EYS: variants seen among roughly 807,000 people sequenced by gnomAD.
The protein encoded by EYS is EGF-like photoreceptor maintenance factor, also known as protein eyes shut homolog.
Under a neutral mutation model 282.1 loss-of-function variants are expected in EYS, and 250 were observed. The ratio of observed to expected loss-of-function variants is 0.89; its 90% CI spans 0.80 to 0.98. EYS has a LOEUF of 0.98. Ranked by LOEUF, EYS falls within the 50% of genes least tolerant of loss-of-function variation. The probability of loss-of-function intolerance (pLI) is 0.00; values close to 1 mark genes in which losing one functional copy is unlikely to be tolerated. For synonymous variants in EYS, 1,355 were observed against 1,282.9 expected (o/e 1.06, Z -1.20); for missense variants, 4,016 against 3,709.0 (o/e 1.08, Z -2.15).
intron 12 of EYS, among the ~76,000 whole-genome samples, chr6:65,279,539 G>T (rs1186634145): frequency 2.6e-5 from 4 of 152,024 alleles, no homozygotes; most frequent in African/African-American, 9.6e-5. Context: ...CTTTTTCTTT[G>T]TTCATCTGTG....
At chr6:65,378,699 C>A (rs1257761192) in intron 8 of EYS, among the ~76,000 whole-genome samples, 2 of 152,096 alleles carry the variant, frequency 1.3e-5, no homozygotes, top group African/African-American at 4.8e-5. Context: ...GAATACTATG[C>A]ATTCATAAAA....
At chr6:64,476,080 T>G (rs1334905363) in intron 26 of EYS, among the ~76,000 whole-genome samples, 1 of 152,188 alleles carries the variant, frequency 6.6e-6, no homozygotes, top group African/African-American at 2.4e-5. Context: ...TGTAAGCCAC[T>G]GTTCCCAGGT....
chr6:64,910,168 A>G (rs1470465984), intron 16 of EYS, among the ~76,000 whole-genome samples: 1 of 152,174 alleles, frequency 6.6e-6, no homozygotes, highest in African/African-American at 2.4e-5. Context: ...GTAGATGTTA[A>G]GTCTTGGAAT....
chr6:65,024,757 C>G (rs1772351130), intron 13 of EYS, among the ~76,000 whole-genome samples: 1 of 152,046 alleles, frequency 6.6e-6, no homozygotes, highest in Non-Finnish European at 1.5e-5. Flanking sequence ...AAAAAAATCC[C>G]AAATATTATG....
chr6:64,771,092 TC>T (rs932619378), intron 22 of EYS, among the ~76,000 whole-genome samples: 2 of 151,708 alleles, frequency 1.3e-5, no homozygotes, highest in African/African-American at 4.8e-5. Flanking sequence ...TATCTCTCAT[TC>T]CATAATCTCA....
rs1013443458 is a variant in EYS, at chr6:63,789,174, C to T, written c.7462G>A (p.Val2488Ile). ...LAVGLLNGSV[V>I]YSYNLGSGIA... ...CCAGACCCCAGGTTATAACTATAAA[C>T]CACACTGCCATTGAGCAGGCCCACA... is the stretch of plus-strand genomic sequence containing the variant. The change falls in exon 38 of 43, where the codon GTT (valine) becomes ATT (isoleucine). Residue 2488 changes from valine (V) to isoleucine (I), a missense_variant. By Grantham distance (29) the Val-to-Ile change is conservative. Transcript: ENST00000503581. 1 of 1,551,810 alleles carries T rather than the reference C, an allele frequency of 6.4e-7. No homozygotes were observed. Among genetic ancestry groups the T allele is most frequent in the South Asian group, 1.2e-5 (1 of 84,064 alleles).
At chr6:64,609,288 G>A (rs571024936) in intron 24 of EYS, among the ~76,000 whole-genome samples, 1 of 152,290 alleles carries the variant, frequency 6.6e-6, no homozygotes, top group East Asian at 1.9e-4. Context: ...GAAAAAGAGG[G>A]ACATATGCTA....
At chr6:63,825,994 A>G (rs985913338) in intron 36 of EYS, among the ~76,000 whole-genome samples, 2 of 152,256 alleles carry the variant, frequency 1.3e-5, no homozygotes, top group Admixed American at 6.5e-5. Context: ...AATTCAAAAA[A>G]TGATACAAGT....
At chr6:65,415,552 G>A (rs9345623) in intron 5 of EYS, among the ~76,000 whole-genome samples, 73,037 of 151,794 alleles carry the variant, frequency 0.48, 17,910 homozygotes, top group South Asian at 0.57. Flanking sequence ...AATGTCTATA[G>A]GTAAGGTAGA....
At chr6:64,655,662 A>T (rs561476892) in intron 22 of EYS, among the ~76,000 whole-genome samples, 6 of 152,068 alleles carry the variant, frequency 3.9e-5, no homozygotes, top group African/African-American at 1.2e-4. Flanking sequence ...GTTCTGAACA[A>T]ATATGACTGG....
At position 65,117,070 on chromosome 6, in the gene EYS, T is replaced by A. The variant is rs74913990; in HGVS notation, c.2024-59343A>T. Among the ~76,000 whole-genome samples, 1,366 of 152,286 alleles carry A rather than the reference T, an allele frequency of 9.0e-3. 24 individuals are homozygous for A. The highest frequency in any genetic ancestry group is 0.031 in the African/African-American group (1,292 of 41,546). The stretch of plus-strand genomic sequence containing the variant: ...GTCAAATGTGAGTAGGTGATATGAA[T>A]CACTTTCAGGAAACATTTAATTGCC... On this transcript the variant is annotated intron_variant, in intron 12 of 42. Transcript: ENST00000503581.
chr6:64,705,304 T>C (rs1356854328), intron 22 of EYS, among the ~76,000 whole-genome samples: 4 of 152,050 alleles, frequency 2.6e-5, no homozygotes, highest in Admixed American at 2.6e-4. Flanking sequence ...CAAGGGAAAC[T>C]ACAAAATACT....
At chr6:65,092,193 A>G (rs1774593892) in intron 12 of EYS, among the ~76,000 whole-genome samples, 1 of 152,140 alleles carries the variant, frequency 6.6e-6, no homozygotes, top group South Asian at 2.1e-4. Flanking sequence ...ACGAAAATGA[A>G]TAAAGCTATA....
chr6:64,708,275 T>C (rs1467177142), intron 22 of EYS, among the ~76,000 whole-genome samples: 1 of 152,222 alleles, frequency 6.6e-6, no homozygotes, highest in African/African-American at 2.4e-5. Flanking sequence ...GTACTGCGTA[T>C]GACAGGGAAA....
chr6:64,481,030 T>A (rs151204551), intron 26 of EYS, among the ~76,000 whole-genome samples: 1 of 151,500 alleles, frequency 6.6e-6, no homozygotes, highest in Non-Finnish European at 1.5e-5. Context: ...TTCACAATTA[T>A]AGTTTTTGAA....
At chr6:64,943,330 C>T (rs944662696) in intron 15 of EYS, among the ~76,000 whole-genome samples, 10 of 151,858 alleles carry the variant, frequency 6.6e-5, no homozygotes, top group East Asian at 1.9e-4. Context: ...AACACAGTAC[C>T]GGAAGTCCGA....
At chr6:65,507,742 C>A (rs9345644) in intron 2 of EYS, among the ~76,000 whole-genome samples, 4 of 151,996 alleles carry the variant, frequency 2.6e-5, no homozygotes, top group Admixed American at 1.3e-4. Context: ...TATCAATGGT[C>A]TTTATTTCTA....
intron 14 of EYS, among the ~76,000 whole-genome samples, chr6:64,981,507 T>C (rs1448838069): frequency 6.6e-6 from 1 of 151,266 alleles, no homozygotes; most frequent in East Asian, 1.9e-4. Flanking sequence ...CTTACCTTCT[T>C]CTAACCACCT....
chr6:65,705,521 C>T (rs1451598748), intron 1 of EYS, among the ~76,000 whole-genome samples: 1 of 152,052 alleles, frequency 6.6e-6, no homozygotes, highest in Non-Finnish European at 1.5e-5. Flanking sequence ...TTGTTGAATG[C>T]CTCCAAATCA....
Sources: gnomAD v4.1 joint callset for allele counts (sites outside exome capture counted in the v4.1 genomes callset) on GRCh38, gnomAD v4.1.1 for gene constraint, MANE v1.5 for transcripts, NCBI Gene and HGNC (gene_info 2026-07-23, HGNC 2026-07-21) for gene names.